SNX16: variants seen among roughly 807,000 people sequenced by gnomAD.
SNX16 encodes the protein sorting nexin-16.
In SNX16, 35 loss-of-function variants were observed where a neutral mutation model predicts 36.7. The observed-to-expected ratio is 0.95, with a 90% CI of 0.73 to 1.27. The LOEUF (loss-of-function observed/expected upper bound fraction) is 1.27, where lower values mean the gene tolerates loss of function less well. Among genes scored for constraint, SNX16 ranks in the 50% most tolerant of loss-of-function variants. The pLI is 0.00. For synonymous variants in SNX16, 134 were observed against 132.0 expected, an observed-to-expected ratio of 1.02 and a Z score of -0.10; for missense variants, 367 against 393.6, an observed-to-expected ratio of 0.93 and a Z score of 0.57.
intron 3 of SNX16, among the ~76,000 whole-genome samples, chr8:81,825,311 T>C (rs956662480): frequency 3.3e-5 from 5 of 152,224 alleles, no homozygotes; most frequent in Non-Finnish European, 7.3e-5. Context: ...AATTTATTTC[T>C]TTAATGACAT....
At chr8:81,817,939 T>TA (rs916041874) in intron 4 of SNX16, among the ~76,000 whole-genome samples, 2 of 152,154 alleles carry the variant, frequency 1.3e-5, no homozygotes, top group African/African-American at 4.8e-5. Context: ...AAACCTATTT[T>TA]AAAATTGGGG....
At chr8:81,803,058 TAGTC>T (rs771621362) in intron 6 of SNX16, 30 bp downstream of exon 6, 8 of 1,553,818 alleles carry the variant, frequency 5.1e-6, no homozygotes, top group African/African-American at 4.2e-5. Context: ...AGGGTTGAAT[TAGTC>T]AGAGTAGAAA....
chr8:81,808,665 C>T (rs1810084975), intron 5 of SNX16: 4 of 987,054 alleles, frequency 4.1e-6, no homozygotes, highest in South Asian at 1.3e-5. Flanking sequence ...CTTTGCCAAA[C>T]CACGAAACCA....
At chr8:81,835,729 C>T (rs1004779202) in intron 2 of SNX16, among the ~76,000 whole-genome samples, 1 of 152,180 alleles carries the variant, frequency 6.6e-6, no homozygotes, top group Non-Finnish European at 1.5e-5. Context: ...ACTACCTCAG[C>T]CTGGACTGTA....
At chr8:81,824,416 T>C (rs550452914) in intron 3 of SNX16, among the ~76,000 whole-genome samples, 1 of 152,278 alleles carries the variant, frequency 6.6e-6, no homozygotes, top group African/African-American at 2.4e-5. Context: ...ATTACAAATA[T>C]TTTCTCCCAA....
chr8:81,804,992 TA>T (rs1342726087), intron 5 of SNX16, among the ~76,000 whole-genome samples: 4 of 150,126 alleles, frequency 2.7e-5, no homozygotes, highest in Non-Finnish European at 5.9e-5. Flanking sequence ...GAGTTAAGAT[TA>T]AAAAAATTTT....
At chr8:81,823,430 CCCT>C (rs1810866056) in intron 4 of SNX16, among the ~76,000 whole-genome samples, 1 of 151,884 alleles carries the variant, frequency 6.6e-6, no homozygotes, top group African/African-American at 2.4e-5. Flanking sequence ...AAGAATATTA[CCCT>C]TACAATTACA....
At chr8:81,813,072 A>G (rs1810334169) in intron 5 of SNX16, among the ~76,000 whole-genome samples, 1 of 152,040 alleles carries the variant, frequency 6.6e-6, no homozygotes, top group African/African-American at 2.4e-5. Flanking sequence ...ACAAATTGCA[A>G]AATGGCAGAT....
intron 4 of SNX16, 82 bp downstream of exon 4, chr8:81,823,710 A>G (rs1810879805): frequency 8.0e-7 from 1 of 1,254,210 alleles, no homozygotes; most frequent in African/African-American, 1.5e-5. Context: ...GTGCTTAAAT[A>G]ACTATGATCA....
At chr8:81,805,433 C>T (rs1276251021) in intron 5 of SNX16, among the ~76,000 whole-genome samples, 1 of 151,710 alleles carries the variant, frequency 6.6e-6, no homozygotes, top group Admixed American at 6.6e-5. Flanking sequence ...ATACTAAAAC[C>T]AAGTATAAGA....
In SNX16 at chr8:81,823,690, C is replaced by G. The variant is rs547697060; in HGVS notation, c.611+102G>C. The G allele has an allele frequency of 4.1e-5, 41 of 1,003,194 alleles. No homozygotes were observed. The African/African-American group carries it at 6.2e-4, about 15-fold the overall frequency. 62.1% of individuals were successfully genotyped at this position (1,003,194 alleles called of 1,614,324 possible). ...GAAGACAAGTAATTATACTCCAACC[C>G]TGTATTTTTGTGCTTAAATAACTAT... On this transcript the variant is annotated intron_variant, in intron 4 of 7. Transcript: ENST00000345957.
intron 2 of SNX16, among the ~76,000 whole-genome samples, chr8:81,830,313 T>A (rs976088063): frequency 2.0e-5 from 3 of 151,998 alleles, no homozygotes; most frequent in Non-Finnish European, 4.4e-5. Flanking sequence ...CTCACACCTG[T>A]AATCCCAGCA....
chr8:81,828,293 C>A (rs896380315), intron 3 of SNX16, among the ~76,000 whole-genome samples: 1 of 152,110 alleles, frequency 6.6e-6, no homozygotes, highest in Non-Finnish European at 1.5e-5. Context: ...TAGGAAGATT[C>A]ATACTTCCAA....
chr8:81,803,372 GT>G (rs917466820), intron 5 of SNX16, 144 bp from the exon 6 acceptor site: 139 of 867,974 alleles, frequency 1.6e-4, no homozygotes, highest in Non-Finnish European at 2.1e-4. Context: ...CAAATGATTT[GT>G]TCTCTACCCT....
intron 4 of SNX16, among the ~76,000 whole-genome samples, chr8:81,820,079 G>A (rs1810664562): frequency 6.6e-6 from 1 of 152,036 alleles, no homozygotes; most frequent in South Asian, 2.1e-4. Flanking sequence ...TTTCTATGTT[G>A]CCATTCCAAC....
intron 2 of SNX16, among the ~76,000 whole-genome samples, chr8:81,839,040 T>C (rs952892161): frequency 1.3e-5 from 2 of 152,108 alleles, no homozygotes; most frequent in Non-Finnish European, 2.9e-5. Context: ...CCACAACCAA[T>C]GTGATATTAC....
intron 4 of SNX16, among the ~76,000 whole-genome samples, chr8:81,817,122 G>A (rs909909586): frequency 6.6e-6 from 1 of 152,154 alleles, no homozygotes; most frequent in African/African-American, 2.4e-5. Context: ...TGAGGAAATA[G>A]CACTTAAGAC....
intron 5 of SNX16, among the ~76,000 whole-genome samples, chr8:81,811,835 A>G (rs1472590328): frequency 6.6e-6 from 1 of 152,166 alleles, no homozygotes; most frequent in Non-Finnish European, 1.5e-5. Context: ...AGCTATCTCT[A>G]AACGGCCCCA....
At chr8:81,814,717 T>G (rs1810402725) in intron 5 of SNX16, 1 of 152,116 alleles carries the variant, frequency 6.6e-6, no homozygotes, top group Admixed American at 6.5e-5. Context: ...CTGACTCAGC[T>G]TGAATGAAAA....
Sources: allele counts gnomAD v4.1 joint callset (sites outside exome capture counted in the v4.1 genomes callset), GRCh38; gene constraint gnomAD v4.1.1; transcripts MANE v1.5; gene names NCBI Gene and HGNC (gene_info 2026-07-23, HGNC 2026-07-21).